The following STARD10 variants were observed in gnomAD, a reference collection of about 807,000 sequenced individuals.
The protein encoded by STARD10 is START domain-containing protein 10.
A neutral mutation model predicts 36.0 loss-of-function variants in STARD10; 24 were observed. The observed-to-expected ratio is 0.67, with a 90% CI of 0.48 to 0.94. The LOEUF is 0.94. Ranked by LOEUF, STARD10 falls within the 40% of genes least tolerant of loss-of-function variation. The pLI is 0.00. For missense variants in STARD10, 335 were observed against 396.6 expected, an observed-to-expected ratio of 0.84 and a Z score of 1.32; for synonymous variants, 156 against 161.9, an observed-to-expected ratio of 0.96 and a Z score of 0.28.
intron 1 of STARD10, among the ~76,000 whole-genome samples, chr11:72,783,931 A>G (rs541047542): frequency 1.0e-3 from 155 of 152,158 alleles, no homozygotes; most frequent in Non-Finnish European, 1.9e-3. Flanking sequence ...CAGAAGAACC[A>G]AGAATCTTTT....
chr11:72,758,798 G>A (rs1267268184), intron 3 of STARD10, among the ~76,000 whole-genome samples, 165 bp from the exon 4 acceptor site: 1 of 152,232 alleles, frequency 6.6e-6, no homozygotes, highest in Non-Finnish European at 1.5e-5. Context: ...AGCCAGAAAA[G>A]AGACAGGGCA....
intron 2 of STARD10, among the ~76,000 whole-genome samples, chr11:72,761,371 T>G (rs1483355995): frequency 1.3e-5 from 2 of 152,176 alleles, no homozygotes; most frequent in East Asian, 3.8e-4. Context: ...AGGGGATTTT[T>G]GGGACAACTG....
chr11:72,780,928 G>C (rs1413282111), intron 2 of STARD10, 47 bp downstream of exon 2: 3 of 1,585,644 alleles, frequency 1.9e-6, no homozygotes, highest in Non-Finnish European at 2.6e-6. Context: ...CCGGGAGAGA[G>C]GCAGTAAGGG....
chr11:72,756,860 C>T (rs950641845), intron 5 of STARD10, among the ~76,000 whole-genome samples: 3 of 151,894 alleles, frequency 2.0e-5, no homozygotes, highest in African/African-American at 4.8e-5. Context: ...GAATCAGTGA[C>T]GGGGGCTAAG....
chr11:72,780,759 G>A (rs1240136533), intron 2 of STARD10: 5 of 589,614 alleles, frequency 8.5e-6, no homozygotes, highest in Admixed American at 2.9e-5. Flanking sequence ...GCTGAGAGAG[G>A]CAGGGTGAGT....
intron 2 of STARD10, among the ~76,000 whole-genome samples, chr11:72,771,754 C>T (rs1451826480): frequency 6.6e-6 from 1 of 152,144 alleles, no homozygotes; most frequent in Admixed American, 6.5e-5. Context: ...CAGTGATGAA[C>T]GTTGCAGAGG....
At position 72,755,243 on chromosome 11, in the gene STARD10, C is replaced by G. The variant is rs917184260; in HGVS notation, c.631-101G>C. On this transcript the variant is annotated intron_variant, in intron 6 of 6. Coordinates refer to ENST00000334805, the MANE Select transcript of STARD10 (RefSeq NM_006645.3). ...AGCCCCCAGCATCCTGACTGGCTCC[C>G]TTTCAAAACTTCACTCCTCAGCCCT... 7 of 1,380,148 alleles carry G rather than the reference C, an allele frequency of 5.1e-6. No homozygotes were observed. The Admixed American group carries it at 1.4e-4, about 28-fold the overall frequency. 85.5% of individuals were successfully genotyped at this position (1,380,148 alleles called of 1,614,324 possible). A position where few individuals can be genotyped will look rare whatever the true frequency, so the allele number is the denominator to read the frequency against.
intron 6 of STARD10, 163 bp downstream of exon 6, chr11:72,755,538 C>A: frequency 1.3e-6 from 1 of 787,728 alleles, no homozygotes; most frequent in Non-Finnish European, 2.2e-6. Context: ...CTTGAACTCC[C>A]GACCTCAGGT....
intron 2 of STARD10, among the ~76,000 whole-genome samples, chr11:72,759,870 GGTTT>G (rs140130268): frequency 0.15 from 22,506 of 151,876 alleles, 1,738 homozygotes; most frequent in South Asian, 0.2. Flanking sequence ...TCTTATTTGT[GGTTT>G]GTTTGTTTGT....
At chr11:72,757,926 G>T in intron 4 of STARD10, 42 bp from the exon 5 acceptor site, 1 of 1,570,512 alleles carries the variant, frequency 6.4e-7, no homozygotes, top group Non-Finnish European at 8.8e-7. Context: ...CGGGGTGGGG[G>T]CAAAGAAGAT....
In STARD10 at chr11:72,781,543, A is replaced by AG. The variant is rs966948143; in HGVS notation, c.-113-250dup. 2.6e-5 allele frequency: 4 copies of AG among 155,042 alleles called. No individual in the cohort carries two copies. Among genetic ancestry groups the AG allele is most frequent in the Non-Finnish European group, 3.8e-5 (3 of 79,530 alleles). The allele number at this position is 155,042 out of a possible 1,614,324, so 9.6% of individuals were successfully genotyped here. ...GGACCCAGGGACTGGCCGGGACCCG[A>AG]GGGGAGGGACGGTGCGGCGGGGCCC... On this transcript the variant is annotated intron_variant, in intron 1 of 6. Transcript: ENST00000334805. This position sits in a 1 kb window ranked among gnomAD's most constrained non-coding sequence, Gnocchi z 4.7.
chr11:72,790,670 C>T (rs1448686052), intron 1 of STARD10, among the ~76,000 whole-genome samples: 1 of 152,242 alleles, frequency 6.6e-6, no homozygotes, highest in African/African-American at 2.4e-5. Flanking sequence ...AGCCCAGGAT[C>T]TTGTTCTGGT....
intron 2 of STARD10, among the ~76,000 whole-genome samples, chr11:72,763,190 T>A (rs1384178905): frequency 6.6e-6 from 1 of 152,210 alleles, no homozygotes; most frequent in Non-Finnish European, 1.5e-5. Context: ...CAATCTGAGA[T>A]AAGCTGCATA....
intron 2 of STARD10, among the ~76,000 whole-genome samples, chr11:72,761,780 T>TG (rs1858718873): frequency 6.6e-6 from 1 of 151,410 alleles, no homozygotes; most frequent in Non-Finnish European, 1.5e-5. Context: ...TAACCTCAAT[T>TG]GGGGGAAAAA....
chr11:72,770,309 C>T (rs1475239152), intron 2 of STARD10, among the ~76,000 whole-genome samples: 1 of 152,212 alleles, frequency 6.6e-6, no homozygotes, highest in East Asian at 1.9e-4. Flanking sequence ...ACCTCTGCCT[C>T]CCAGGCTCAA....
intron 2 of STARD10, among the ~76,000 whole-genome samples, chr11:72,767,453 T>C (rs1033276318): frequency 2.0e-5 from 3 of 152,106 alleles, no homozygotes; most frequent in Admixed American, 6.5e-5. Flanking sequence ...CAGCTAACAG[T>C]AGTGAAGCAG....
At chr11:72,788,083 G>C (rs1307445418) in intron 1 of STARD10, among the ~76,000 whole-genome samples, 1 of 152,206 alleles carries the variant, frequency 6.6e-6, no homozygotes, top group Admixed American at 6.5e-5. Flanking sequence ...TGTGGCCTGA[G>C]TGCTGTGGGC....
chr11:72,781,928 C>T lies in STARD10; in HGVS notation c.-113-634G>A, dbSNP rs1859007239. 1.3e-5 allele frequency: 2 copies of T among 151,798 alleles called. No homozygotes were observed. Among genetic ancestry groups the T allele is most frequent in the African/African-American group, 4.8e-5 (2 of 41,362 alleles). The allele number at this position is 151,798 out of a possible 1,614,324, so 9.4% of individuals were successfully genotyped here. ...GATCTCCGAGCCCCGCCCCGCCCCA[C>T]CCCGCAGGGTCCTAGCGCCCGCCCC... On this transcript the variant is annotated intron_variant, in intron 1 of 6. Coordinates refer to ENST00000334805, the MANE Select transcript of STARD10 (RefSeq NM_006645.3). The surrounding 1 kb of genome is among the most constrained non-coding windows in gnomAD (Gnocchi z 4.7).
At chr11:72,783,989 TG>T (rs1205843038) in intron 1 of STARD10, among the ~76,000 whole-genome samples, 1 of 152,208 alleles carries the variant, frequency 6.6e-6, no homozygotes, top group Non-Finnish European at 1.5e-5. Flanking sequence ...AGCCAGGCCC[TG>T]GGCTCATCCC....
Sources: gnomAD v4.1 joint callset for allele counts (sites outside exome capture counted in the v4.1 genomes callset) on GRCh38, gnomAD v4.1.1 for gene constraint, Gnocchi (gnomAD v3.1) non-coding constraint, MANE v1.5 for transcripts, NCBI Gene and HGNC (gene_info 2026-07-23, HGNC 2026-07-21) for gene names.